The following AKT3 variants were observed in gnomAD, a reference collection of about 807,000 sequenced individuals.
AKT3 encodes AKT serine/threonine kinase 3.
AKT3 carries 15 observed loss-of-function variants against 65.3 expected under a neutral mutation model. The ratio of observed to expected loss-of-function variants is 0.23; its 90% CI spans 0.15 to 0.35. The LOEUF (loss-of-function observed/expected upper bound fraction) is 0.35, where lower values mean the gene tolerates loss of function less well. Among genes scored for constraint, AKT3 ranks in the 10% least tolerant of loss-of-function variants. The pLI, the probability that AKT3 is intolerant of heterozygous loss-of-function variation, is 1.00. For synonymous variants in AKT3, 206 were observed against 183.8 expected, an observed-to-expected ratio of 1.12 and a Z score of -0.98; for missense variants, 243 against 576.5, an observed-to-expected ratio of 0.42 and a Z score of 5.92.
At chr1:243,804,028 C>T (rs1462163093) in intron 2 of AKT3, among the ~76,000 whole-genome samples, 4 of 152,166 alleles carry the variant, frequency 2.6e-5, no homozygotes, top group Admixed American at 2.6e-4. Flanking sequence ...ACAGAGCCAG[C>T]CCACACAGCA....
intron 2 of AKT3, among the ~76,000 whole-genome samples, chr1:243,743,120 A>G (rs1331043951): frequency 6.6e-6 from 1 of 152,230 alleles, no homozygotes; most frequent in East Asian, 1.9e-4. Context: ...ATGTAGGAGC[A>G]CATAGAAAAG....
At chr1:243,810,376 T>C (rs567192352) in intron 2 of AKT3, among the ~76,000 whole-genome samples, 2 of 152,108 alleles carry the variant, frequency 1.3e-5, no homozygotes, top group Admixed American at 6.5e-5. Flanking sequence ...TACAAACTAC[T>C]ATCAGAGAAT....
intron 5 of AKT3, among the ~76,000 whole-genome samples, chr1:243,640,654 C>A (rs1680307858): frequency 6.6e-6 from 1 of 152,026 alleles, no homozygotes; most frequent in Non-Finnish European, 1.5e-5. Flanking sequence ...ACCAAGACAC[C>A]ATAGCCAACA....
At chr1:243,666,675 C>A (rs1294692060) in intron 3 of AKT3, among the ~76,000 whole-genome samples, 4 of 152,132 alleles carry the variant, frequency 2.6e-5, no homozygotes, top group Admixed American at 2.6e-4. Context: ...GTGTTACATT[C>A]CAATACAACC....
rs984099053 is a variant in AKT3, at chr1:243,553,875, A to C, written c.949-932T>G. Reference sequence around the variant, plus strand: ...TGCAACTTTGAATATTTTATTTTAAAACTATATTTGATAATCTTAAAGCTT... The same window carrying C: ...TGCAACTTTGAATATTTTATTTTAACACTATATTTGATAATCTTAAAGCTT... On this transcript the variant is annotated intron_variant, in intron 10 of 13. Coordinates refer to ENST00000673466, the MANE Select transcript of AKT3 (RefSeq NM_005465.7). Among the ~76,000 whole-genome samples the C allele has an allele frequency of 3.0e-4, 45 of 152,150 alleles. 1 individual carries two copies. Among genetic ancestry groups the C allele is most frequent in the Admixed American group, 1.8e-3 (27 of 15,264 alleles).
intron 1 of AKT3, among the ~76,000 whole-genome samples, chr1:243,846,854 A>C (rs1695542246): frequency 6.6e-6 from 1 of 152,248 alleles, no homozygotes; most frequent in African/African-American, 2.4e-5. Flanking sequence ...TGCCACAATA[A>C]GTTTTTCTTA....
intron 12 of AKT3, among the ~76,000 whole-genome samples, chr1:243,532,624 A>C (rs2148416332): frequency 6.6e-6 from 1 of 152,292 alleles, no homozygotes; most frequent in Middle Eastern, 3.4e-3. Flanking sequence ...TTTTCTTATA[A>C]TGCCTCTAGT....
At chr1:243,589,121 C>G (rs561970073) in intron 8 of AKT3, among the ~76,000 whole-genome samples, 2 of 151,958 alleles carry the variant, frequency 1.3e-5, no homozygotes, top group East Asian at 3.9e-4. Flanking sequence ...GCCTGACCAA[C>G]ATGGTGAAAC....
rs552662336 is a variant in AKT3 at position 243,793,822 on chromosome 1, C to T, written c.46+49303G>A. ...AAGAAAACCGACTATTTATTGACTC[C>T]CTAGGGTCTAGGAGCTCGACTGAGT... is the stretch of plus-strand genomic sequence containing the variant. On this transcript the variant is annotated intron_variant, in intron 2 of 13. Transcript: ENST00000673466. Among the ~76,000 whole-genome samples, 119 of 151,856 alleles carry T rather than the reference C, an allele frequency of 7.8e-4. 1 individual carries two copies. The highest frequency in any genetic ancestry group is 1.3e-3 in the Non-Finnish European group (85 of 67,946).
chr1:243,560,669 T>C (rs567104488), intron 10 of AKT3, among the ~76,000 whole-genome samples: 1 of 152,262 alleles, frequency 6.6e-6, no homozygotes, highest in Admixed American at 6.5e-5. Flanking sequence ...CAGAAATGTT[T>C]TCTTGTCTTT....
chr1:243,600,142 A>G (rs1266430643), intron 8 of AKT3, among the ~76,000 whole-genome samples: 2 of 152,120 alleles, frequency 1.3e-5, no homozygotes, highest in Non-Finnish European at 2.9e-5. Context: ...ACTACATAAT[A>G]TTGTTGAAAG....
Position 243,637,599 on chromosome 1 carries a change from T to A in AKT3, c.561+12A>T. The A allele has an allele frequency of 6.3e-7, 1 of 1,580,444 alleles. No individual in the cohort carries two copies. Among genetic ancestry groups the A allele is most frequent in the African/African-American group, 1.4e-5 (1 of 73,384 alleles). On this transcript the variant is annotated intron_variant, in intron 6 of 13. Transcript: ENST00000673466. Reference sequence around the variant, plus strand: ...ACAAAAATTTAGTAATCAACTTTAATAAATCAGTTACCTTTGCAATAATGA... The same window carrying A: ...ACAAAAATTTAGTAATCAACTTTAAAAAATCAGTTACCTTTGCAATAATGA...
intron 8 of AKT3, among the ~76,000 whole-genome samples, chr1:243,583,882 T>C (rs1675602783): frequency 6.6e-6 from 1 of 152,014 alleles, no homozygotes; most frequent in Non-Finnish European, 1.5e-5. Flanking sequence ...AGATCTCAAA[T>C]TAATACTCTA....
intron 2 of AKT3, among the ~76,000 whole-genome samples, chr1:243,779,147 G>C (rs1690749778): frequency 6.6e-6 from 1 of 152,044 alleles, no homozygotes; most frequent in Admixed American, 6.6e-5. Flanking sequence ...AAACTTTTTG[G>C]ATTACTGTTG....
intron 2 of AKT3, among the ~76,000 whole-genome samples, chr1:243,725,417 A>C (rs1363905776): frequency 6.6e-6 from 1 of 152,142 alleles, no homozygotes; most frequent in Non-Finnish European, 1.5e-5. Flanking sequence ...GCACTGTGCT[A>C]TCTGCAAAGA....
At chr1:243,796,229 G>T (rs1432178048) in intron 2 of AKT3, among the ~76,000 whole-genome samples, 2 of 152,190 alleles carry the variant, frequency 1.3e-5, no homozygotes, top group Non-Finnish European at 2.9e-5. Flanking sequence ...CATTTAGGCA[G>T]GGATTAGGAA....
chr1:243,574,540 C>A (rs1400691477), intron 8 of AKT3, among the ~76,000 whole-genome samples: 1 of 152,038 alleles, frequency 6.6e-6, no homozygotes, highest in Admixed American at 6.6e-5. Flanking sequence ...ATGATCTATT[C>A]TAAAAGGCAT....
downstream of AKT3, among the ~76,000 whole-genome samples, chr1:243,498,668 A>T (rs924053947): frequency 6.6e-6 from 1 of 152,226 alleles, no homozygotes; most frequent in African/African-American, 2.4e-5. Flanking sequence ...TGATGTTCAT[A>T]TATTTCTCTT....
intron 4 of AKT3, among the ~76,000 whole-genome samples, chr1:243,660,840 G>A (rs1446300111): frequency 6.6e-6 from 1 of 152,172 alleles, no homozygotes; most frequent in Non-Finnish European, 1.5e-5. Context: ...ATCTCCTTAA[G>A]CTGATAAGCA....
Sources: allele counts gnomAD v4.1 joint callset (sites outside exome capture counted in the v4.1 genomes callset), GRCh38; gene constraint gnomAD v4.1.1; transcripts MANE v1.5; gene names NCBI Gene and HGNC (gene_info 2026-07-23, HGNC 2026-07-21).